Variants in ZSWIM5 observed in about 807,000 individuals in gnomAD.
ZSWIM5 encodes the protein zinc finger SWIM domain-containing protein 5.
Under a neutral mutation model 119.6 loss-of-function variants are expected in ZSWIM5, and 55 were observed. The observed-to-expected ratio is 0.46, with a 90% confidence interval of 0.37 to 0.58. The LOEUF (loss-of-function observed/expected upper bound fraction) is 0.58, where lower values mean the gene tolerates loss of function less well. ZSWIM5 is among the 20% of genes least tolerant of loss of function. ZSWIM5 has a pLI of 0.00. For missense variants in ZSWIM5, 1,193 were observed against 1,512.8 expected, an observed-to-expected ratio of 0.79 and a Z score of 3.51; for synonymous variants, 537 against 606.9, an observed-to-expected ratio of 0.88 and a Z score of 1.69.
In ZSWIM5 at chr1:45,160,960, T is replaced by TA. The variant is rs1479032274; in HGVS notation, c.595+44795dup. Among the ~76,000 whole-genome samples, 7 of 149,382 alleles carry TA rather than the reference T, an allele frequency of 4.7e-5. 1 individual carries two copies. In the Admixed American group the frequency reaches 4.7e-4, roughly 10 times the overall value. ...CCTCAGCCTCCCAAGTAGCTGGGAC[T>TA]ACAAGCGCCTGCCACCATGCCCGGC... On this transcript the variant is annotated intron_variant, in intron 1 of 13. Transcript: ENST00000359600.
At chr1:45,070,015 ATACT>A in intron 2 of ZSWIM5, 2 of 764,974 alleles carry the variant, frequency 2.6e-6, no homozygotes, top group South Asian at 2.8e-5. Context: ...ATTCTCATGA[ATACT>A]TGAGTAGCTA....
rs1220706124 is a variant in ZSWIM5, at chr1:45,182,407, A to AAAAC, written c.595+23345_595+23348dup. Among the ~76,000 whole-genome samples the AAAAC allele has an allele frequency of 1.0e-3, 131 of 126,480 alleles. 2 individuals carry two copies. Among genetic ancestry groups the AAAAC allele is most frequent in the Middle Eastern group, 4.1e-3 (1 of 244 alleles). 83.0% of individuals were successfully genotyped at this position (126,480 alleles called of 152,430 possible). A position where few individuals can be genotyped will look rare whatever the true frequency, so the allele number is the denominator to read the frequency against. On this transcript the variant is annotated intron_variant, in intron 1 of 13. Coordinates refer to ENST00000359600, the MANE Select transcript of ZSWIM5 (RefSeq NM_020883.2). ...CGACAGAACGAGACTCCGTCTCAAA[A>AAAAC]AAACAAACAAACAAACAAACAAACA... is the stretch of plus-strand genomic sequence containing the variant.
chr1:45,155,396 T>C (rs1557782630), intron 1 of ZSWIM5, among the ~76,000 whole-genome samples: 1 of 151,846 alleles, frequency 6.6e-6, no homozygotes, highest in Non-Finnish European at 1.5e-5. Flanking sequence ...TTGGCATCAA[T>C]GCAGTGAAAA....
intron 5 of ZSWIM5, among the ~76,000 whole-genome samples, chr1:45,049,555 ATGCC>A (rs1444167156): frequency 6.6e-6 from 1 of 152,204 alleles, no homozygotes; most frequent in Non-Finnish European, 1.5e-5. Context: ...GCGGTGGCTC[ATGCC>A]TGTAATACTA....
At chr1:45,133,788 T>C (rs1645673377) in intron 1 of ZSWIM5, among the ~76,000 whole-genome samples, 1 of 151,954 alleles carries the variant, frequency 6.6e-6, no homozygotes, top group Non-Finnish European at 1.5e-5. Flanking sequence ...AGTTTTTGTA[T>C]AAGGTGTAAG....
At chr1:45,041,037 G>T (rs1298885398) in intron 6 of ZSWIM5, among the ~76,000 whole-genome samples, 2 of 152,118 alleles carry the variant, frequency 1.3e-5, no homozygotes, top group Non-Finnish European at 2.9e-5. Flanking sequence ...TAACATGATA[G>T]AAATATATAC....
intron 1 of ZSWIM5, among the ~76,000 whole-genome samples, chr1:45,128,826 T>C (rs1256036123): frequency 6.6e-6 from 1 of 152,192 alleles, no homozygotes; most frequent in Non-Finnish European, 1.5e-5. Context: ...CCACTAGGTT[T>C]TTCTTCTTTT....
chr1:45,174,286 C>T (rs1409421724), intron 1 of ZSWIM5, among the ~76,000 whole-genome samples: 3 of 151,630 alleles, frequency 2.0e-5, no homozygotes, highest in African/African-American at 7.3e-5. Flanking sequence ...AAAAACAAAA[C>T]AAAATATGAA....
rs79416196 is a variant in ZSWIM5 at position 45,201,401 on chromosome 1, T to A, written c.595+4355A>T. On this transcript the variant is annotated intron_variant, in intron 1 of 13. Transcript: ENST00000359600. Reference sequence around the variant, plus strand: ...TACATTATATCAATGCATTGATTTTTAAAAATTTTATTTTCTACGGTATCA... The same window carrying A: ...TACATTATATCAATGCATTGATTTTAAAAAATTTTATTTTCTACGGTATCA... Among the ~76,000 whole-genome samples the A allele has an allele frequency of 6.7e-3, 1,015 of 152,310 alleles. 9 individuals carry two copies. Among genetic ancestry groups the A allele is most frequent in the African/African-American group, 0.022 (907 of 41,572 alleles).
intron 7 of ZSWIM5, 139 bp from the exon 8 acceptor site, chr1:45,039,212 G>T: frequency 9.1e-7 from 1 of 1,094,798 alleles, no homozygotes. Flanking sequence ...GCCTTGGGTT[G>T]ATACGGCTGG....
chr1:45,144,520 C>G (rs1197311704), intron 1 of ZSWIM5, among the ~76,000 whole-genome samples: 1 of 152,058 alleles, frequency 6.6e-6, no homozygotes, highest in Non-Finnish European at 1.5e-5. Flanking sequence ...TGGACAACAG[C>G]GTGAGACCCT....
intron 2 of ZSWIM5, among the ~76,000 whole-genome samples, chr1:45,081,670 C>T (rs1339177202): frequency 6.6e-6 from 1 of 152,180 alleles, no homozygotes; most frequent in Non-Finnish European, 1.5e-5. Context: ...ACAACCTCCA[C>T]CTCCCAGCCG....
chr1:45,198,271 A>G (rs529232039), intron 1 of ZSWIM5, among the ~76,000 whole-genome samples: 6 of 152,346 alleles, frequency 3.9e-5, no homozygotes, highest in African/African-American at 1.4e-4. Flanking sequence ...ATCCGGAGGC[A>G]TTTCACTGAA....
At chr1:45,113,004 T>C (rs547634694) in intron 1 of ZSWIM5, among the ~76,000 whole-genome samples, 1 of 152,330 alleles carries the variant, frequency 6.6e-6, no homozygotes, top group African/African-American at 2.4e-5. Context: ...GAATGCTTAA[T>C]TGATTCTAAG....
rs535625962 is a variant in ZSWIM5, at chr1:45,137,842, T to C, written c.596-49605A>G. Among the ~76,000 whole-genome samples the C allele has an allele frequency of 3.9e-5, 6 of 152,174 alleles. No homozygotes were observed. The South Asian group carries it at 8.3e-4, about 21-fold the overall frequency. ...TCACTCTAAGTGAAATGAGGAACTT[T>C]TGCAGCATTCTAAGCAGACTACTAT... On this transcript the variant is annotated intron_variant, in intron 1 of 13. Transcript: ENST00000359600.
intron 2 of ZSWIM5, among the ~76,000 whole-genome samples, chr1:45,074,709 T>A (rs1645246179): frequency 6.6e-6 from 1 of 151,890 alleles, no homozygotes; most frequent in African/African-American, 2.4e-5. Flanking sequence ...TGTTTTCATT[T>A]CAATTTATTT....
At chr1:45,126,346 A>C (rs2149029103) in intron 1 of ZSWIM5, among the ~76,000 whole-genome samples, 1 of 152,284 alleles carries the variant, frequency 6.6e-6, no homozygotes, top group East Asian at 1.9e-4. Context: ...GAAACAAGGA[A>C]TATTACTACC....
chr1:45,179,545 C>T (rs888833830), intron 1 of ZSWIM5, among the ~76,000 whole-genome samples: 3 of 152,092 alleles, frequency 2.0e-5, no homozygotes, highest in African/African-American at 7.2e-5. Context: ...AACTTCAGCA[C>T]CGTGAAATAT....
At chr1:45,204,186 A>C (rs981153549) in intron 1 of ZSWIM5, among the ~76,000 whole-genome samples, 1 of 152,122 alleles carries the variant, frequency 6.6e-6, no homozygotes, top group Non-Finnish European at 1.5e-5. Flanking sequence ...ATTCTTCCTC[A>C]TCCATCTCTT....
Sources: gnomAD v4.1 joint callset for allele counts (sites outside exome capture counted in the v4.1 genomes callset) on GRCh38, gnomAD v4.1.1 for gene constraint, MANE v1.5 for transcripts, NCBI Gene and HGNC (gene_info 2026-07-23, HGNC 2026-07-21) for gene names.